EVX1: variants seen among roughly 807,000 people sequenced by gnomAD.
EVX1 encodes the protein homeobox even-skipped homolog protein 1.
In EVX1, 19 loss-of-function variants were observed where a neutral mutation model predicts 28.6. That is an observed-to-expected ratio of 0.67 (90% CI 0.46 to 0.98). The LOEUF is 0.98. EVX1 is among the 50% of genes least tolerant of loss of function. The pLI is 0.00. For missense variants in EVX1, 660 were observed against 583.0 expected, an observed-to-expected ratio of 1.13 and a Z score of -1.36; for synonymous variants, 324 against 278.2, an observed-to-expected ratio of 1.16 and a Z score of -1.64.
At chr7:27,244,035 T>C (rs745859660) in intron 1 of EVX1, 83 of 152,376 alleles carry the variant, frequency 5.4e-4, no homozygotes, top group Admixed American at 1.0e-3. Flanking sequence ...GGTCTCCGGT[T>C]GCATTTGAAA....
rs1353128359 is a variant in EVX1, at chr7:27,246,284, G to T, written c.1083G>T (p.Ala361=). ...ACAGCGGCCCGGCCAACGGGCTGGC[G>T]CCCCGGGCTGCCGCCGCCTCGGACT... is the stretch of plus-strand genomic sequence containing the variant. ...ACHSGPANGL[A]PRAAAASDFT... The change falls in exon 3 of 3, where the codon GCG becomes GCT. Residue 361 remains alanine (A), a synonymous_variant. Coordinates refer to ENST00000496902, the MANE Select transcript of EVX1 (RefSeq NM_001989.5). 6.3e-7 allele frequency: 1 copy of T among 1,578,116 alleles called. No homozygotes were observed.
At position 27,246,057 on chromosome 7, in the gene EVX1, G is replaced by T. The variant is rs1329639896; in HGVS notation, c.856G>T (p.Gly286Cys). 6.3e-7 allele frequency: 1 copy of T among 1,586,386 alleles called. No individual in the cohort carries two copies. The highest frequency in any genetic ancestry group is 8.5e-7 in the Non-Finnish European group (1 of 1,174,924). Residue 286 changes from glycine to cysteine, a missense_variant, in exon 3 of 3, where the codon GGC (glycine) becomes TGC (cysteine). Gly to Cys is a radical substitution (Grantham distance 159). Coordinates refer to ENST00000496902, the MANE Select transcript of EVX1 (RefSeq NM_001989.5). ...GCCCCTGCCCTACTACTCGCCGGTGGGCCTGGGCGCCGCATCCGCCGCCTC... is the reference window on the plus strand; with the variant it reads ...GCCCCTGCCCTACTACTCGCCGGTGTGCCTGGGCGCCGCATCCGCCGCCTC... ...HLPLPYYSPV[G>C]LGAASAASAA...
chr7:27,245,401 G>C (rs1019708222), intron 2 of EVX1, 97 bp downstream of exon 2: 1 of 1,533,274 alleles, frequency 6.5e-7, no homozygotes, highest in African/African-American at 1.4e-5. Flanking sequence ...AGGAATCTGG[G>C]CCTGGGGTCT....
rs984579818 is a variant in EVX1 at position 27,246,573 on chromosome 7, C to T, written c.*148C>T. ...AGGGCGGAAAAGGACCAGCGGGATC[C>T]GGCCGCAAGAATTGGAAAGCCTAGG... On this transcript the variant is annotated 3_prime_UTR_variant, in exon 3 of 3. Transcript: ENST00000496902. The T allele has an allele frequency of 1.8e-5, 15 of 848,450 alleles. No homozygotes were observed. Among genetic ancestry groups the T allele is most frequent in the Admixed American group, 1.6e-4 (5 of 32,086 alleles). The allele number at this position is 848,450 out of a possible 1,614,324, so 52.6% of individuals were successfully genotyped here. A position where few individuals can be genotyped will look rare whatever the true frequency, so the allele number is the denominator to read the frequency against.
At position 27,246,123 on chromosome 7, in the gene EVX1, G is replaced by T. The variant is rs1363007840; in HGVS notation, c.922G>T (p.Asp308Tyr). The stretch of plus-strand genomic sequence containing the variant: ...CTTCAGCGGCTCGCTGCGCCCGCTC[G>T]ACACGTTCCGCGTGCTGTCGCAGCC... The part of the protein sequence containing the change: ...SPFSGSLRPL[D>Y]TFRVLSQPYP... Residue 308 changes from aspartate (D) to tyrosine (Y), a missense_variant, in exon 3 of 3, where the codon GAC (aspartate) becomes TAC (tyrosine). This residue lies in a region of EVX1 where 299 missense variants were observed against 241.3 expected (regional missense o/e 1.24). Transcript: ENST00000496902. The T allele has an allele frequency of 2.6e-6, 4 of 1,537,846 alleles. No individual in the cohort carries two copies. The highest frequency in any genetic ancestry group is 2.5e-5 in the East Asian group (1 of 40,346).
chr7:27,245,999 G>T lies in EVX1; in HGVS notation c.798G>T (p.Ala266=). 6.2e-7 allele frequency: 1 copy of T among 1,601,536 alleles called. No individual in the cohort carries two copies. The highest frequency in any genetic ancestry group is 1.1e-5 in the South Asian group (1 of 91,038). ...ACATGATGAGCCATGCGGCGGCCGCGGGCGGCCTGCCCTACCCCTTCCCAT... is the reference window on the plus strand; with the variant it reads ...ACATGATGAGCCATGCGGCGGCCGCTGGCGGCCTGCCCTACCCCTTCCCAT... The part of the protein sequence containing the change: ...YTYMMSHAAA[A]GGLPYPFPSH... Residue 266 remains alanine, a synonymous_variant, in exon 3 of 3, where the codon GCG becomes GCT. Transcript: ENST00000496902.
At position 27,247,121 on chromosome 7, in the gene EVX1, TG is replaced by T. The variant is rs1332564179; in HGVS notation, c.*697del. 6.6e-6 allele frequency: 1 copy of T among 152,300 alleles called. No individual in the cohort carries two copies. Among genetic ancestry groups the T allele is most frequent in the Non-Finnish European group, 1.5e-5 (1 of 68,106 alleles). 9.4% of individuals were successfully genotyped at this position (152,300 alleles called of 1,614,324 possible). ...CCCAGCTTTGTGACACTTCTCAACT[TG>T]CGGCTCCATCTCTCCCTGCCCCCAC... On this transcript the variant is annotated 3_prime_UTR_variant, in exon 3 of 3. Coordinates refer to ENST00000496902, the MANE Select transcript of EVX1 (RefSeq NM_001989.5).
At position 27,246,794 on chromosome 7, in the gene EVX1, C is replaced by A. The variant is rs564472590; in HGVS notation, c.*369C>A. The A allele has an allele frequency of 5.3e-5, 16 of 303,814 alleles. No homozygotes were observed. The South Asian group carries it at 6.2e-4, about 12-fold the overall frequency. The allele number at this position is 303,814 out of a possible 1,614,324, so 18.8% of individuals were successfully genotyped here. On this transcript the variant is annotated 3_prime_UTR_variant, in exon 3 of 3. Coordinates refer to ENST00000496902, the MANE Select transcript of EVX1 (RefSeq NM_001989.5). ...CGGCCCCTCGGCCCCTCACCCTCCA[C>A]CTCACACTCCCTTCTCACCGGGCCC...
chr7:27,242,887 G>T lies in EVX1; in HGVS notation c.-144G>T. The T allele has an allele frequency of 1.1e-6, 1 of 936,996 alleles. No homozygotes were observed. Among genetic ancestry groups the T allele is most frequent in the Non-Finnish European group, 1.5e-6 (1 of 656,906 alleles). 58.0% of individuals were successfully genotyped at this position (936,996 alleles called of 1,614,324 possible). A position where few individuals can be genotyped will look rare whatever the true frequency, so the allele number is the denominator to read the frequency against. ...CCGCCGCGGTCGCGGTCCAGACCGC[G>T]CTCCAGCAGCTCCGCGCCCTCCCAG... is the stretch of plus-strand genomic sequence containing the variant. On this transcript the variant is annotated 5_prime_UTR_variant, in exon 1 of 3. Transcript: ENST00000496902.
rs769937342 is a variant in EVX1, at chr7:27,243,348, A to T, written c.318A>T (p.Gly106=). ...CCCCCTCAGTCGACAGCCTCTCCGG[A>T]CAGGGGCAACCCAGTAGCTCGGACA... ...PPAPSVDSLS[G]QGQPSSSDTE... The change falls in exon 1 of 3, where the codon GGA becomes GGT. Residue 106 remains glycine, a synonymous_variant. Transcript: ENST00000496902. The T allele has an allele frequency of 8.1e-6, 13 of 1,607,736 alleles. No homozygotes were observed. The South Asian group carries it at 1.4e-4, about 18-fold the overall frequency.
chr7:27,246,494 G>T lies in EVX1; in HGVS notation c.*69G>T. ...ACCCCCCGGCCCCGGGACTCAGCCA[G>T]CCTCGCTCCTCGCTCCTCGCTCCTC... On this transcript the variant is annotated 3_prime_UTR_variant, in exon 3 of 3. Coordinates refer to ENST00000496902, the MANE Select transcript of EVX1 (RefSeq NM_001989.5). The T allele has an allele frequency of 2.7e-6, 4 of 1,470,554 alleles. No homozygotes were observed. In the South Asian group the frequency reaches 4.9e-5, roughly 18 times the overall value. 91.1% of individuals were successfully genotyped at this position (1,470,554 alleles called of 1,614,324 possible).
chr7:27,244,901 C>T (rs1329694336), intron 1 of EVX1, 147 bp from the exon 2 acceptor site: 1 of 1,298,696 alleles, frequency 7.7e-7, no homozygotes, highest in Middle Eastern at 2.7e-4. Context: ...CCCCAGAGGC[C>T]GCAGTACCCT....
chr7:27,243,011 C>G lies in EVX1; in HGVS notation c.-20C>G. The stretch of plus-strand genomic sequence containing the variant: ...GGAACTCACTTGGGGCTTTCCCCTC[C>G]CCCACCGGAGAGCCCCGGGATGGAG... On this transcript the variant is annotated 5_prime_UTR_variant, in exon 1 of 3. Coordinates refer to ENST00000496902, the MANE Select transcript of EVX1 (RefSeq NM_001989.5). 1.3e-6 allele frequency: 2 copies of G among 1,538,968 alleles called. No individual in the cohort carries two copies. Among genetic ancestry groups the G allele is most frequent in the East Asian group, 4.8e-5 (2 of 41,260 alleles).
intron 1 of EVX1, chr7:27,244,486 A>C (rs750809202): frequency 2.4e-5 from 24 of 987,916 alleles, no homozygotes; most frequent in Non-Finnish European, 2.8e-5. Flanking sequence ...CATAACCCTC[A>C]GAACAACCTG....
At position 27,246,752 on chromosome 7, in the gene EVX1, A is replaced by C; in HGVS notation, c.*327A>C. ...TAAACAAAACTTAGCAGCAACAGCA[A>C]CCAATATCCAGTCCCTCGGCCCCTC... is the stretch of plus-strand genomic sequence containing the variant. On this transcript the variant is annotated 3_prime_UTR_variant, in exon 3 of 3. Transcript: ENST00000496902. The C allele has an allele frequency of 2.6e-6, 1 of 389,204 alleles. No individual in the cohort carries two copies. The highest frequency in any genetic ancestry group is 4.6e-6 in the Non-Finnish European group (1 of 217,580). 24.1% of individuals were successfully genotyped at this position (389,204 alleles called of 1,614,324 possible). A position where few individuals can be genotyped will look rare whatever the true frequency, so the allele number is the denominator to read the frequency against.
chr7:27,246,419 T>C lies in EVX1; in HGVS notation c.1218T>C (p.Thr406=). 1 of 1,594,748 alleles carries C rather than the reference T, an allele frequency of 6.3e-7. No individual in the cohort carries two copies. The highest frequency in any genetic ancestry group is 1.9e-4 in the Middle Eastern group (1 of 5,390). ...ALDQREEVPL[T]R Reference sequence around the variant, plus strand: ...ACCAGAGGGAGGAGGTGCCCCTCACTAGATAAGGGGCCGCCGGCTGGCTGC... The same window carrying C: ...ACCAGAGGGAGGAGGTGCCCCTCACCAGATAAGGGGCCGCCGGCTGGCTGC... The change falls in exon 3 of 3, where the codon ACT becomes ACC. Residue 406 remains threonine, a synonymous_variant. Transcript: ENST00000496902.
chr7:27,245,549 T>C (rs113936209), intron 2 of EVX1, among the ~76,000 whole-genome samples: 2,470 of 152,130 alleles, frequency 0.016, 62 homozygotes, highest in African/African-American at 0.056. Context: ...CCTGTGCGGG[T>C]GACAAGGAAG....
At chr7:27,243,505 C>A in intron 1 of EVX1, 48 bp downstream of exon 1, 1 of 1,527,652 alleles carries the variant, frequency 6.5e-7, no homozygotes. Flanking sequence ...TGCGCCCACC[C>A]TTCACTTCGG....
At position 27,246,432 on chromosome 7, in the gene EVX1, G is replaced by A. The variant is rs1399428389; in HGVS notation, c.*7G>A. The stretch of plus-strand genomic sequence containing the variant: ...GGTGCCCCTCACTAGATAAGGGGCC[G>A]CCGGCTGGCTGCCGGCTCCATGACG... On this transcript the variant is annotated 3_prime_UTR_variant, in exon 3 of 3. Coordinates refer to ENST00000496902, the MANE Select transcript of EVX1 (RefSeq NM_001989.5). The A allele has an allele frequency of 4.4e-6, 7 of 1,588,034 alleles. No individual in the cohort carries two copies. The highest frequency in any genetic ancestry group is 1.4e-5 in the African/African-American group (1 of 73,372).
Sources: allele counts gnomAD v4.1 joint callset (sites outside exome capture counted in the v4.1 genomes callset), GRCh38; gene constraint gnomAD v4.1.1; regional missense constraint gnomAD v4.1.1; transcripts MANE v1.5; gene names NCBI Gene and HGNC (gene_info 2026-07-23, HGNC 2026-07-21).